The following RABGAP1 variants were observed in gnomAD, a reference collection of about 807,000 sequenced individuals.
RABGAP1 encodes RAB GTPase activating protein 1.
A neutral mutation model predicts 137.6 loss-of-function variants in RABGAP1; 23 were observed. The ratio of observed to expected loss-of-function variants is 0.17; its 90% confidence interval spans 0.12 to 0.24. The LOEUF (loss-of-function observed/expected upper bound fraction) is 0.24. RABGAP1 is among the 10% of genes least tolerant of loss of function. RABGAP1 has a pLI of 1.00. For synonymous variants in RABGAP1, 451 were observed against 450.7 expected (o/e 1.00, Z -0.01); for missense variants, 906 against 1,275.8 (o/e 0.71, Z 4.42).
intron 2 of RABGAP1, among the ~76,000 whole-genome samples, chr9:122,958,641 T>C (rs1268732945): frequency 6.6e-6 from 1 of 152,066 alleles, no homozygotes; most frequent in Non-Finnish European, 1.5e-5. Flanking sequence ...TGTATACATA[T>C]GTAACAAACC....
chr9:122,990,192 A>T lies in RABGAP1; in HGVS notation c.902A>T (p.Asp301Val). Residue 301 changes from aspartate (D) to valine (V), a missense_variant, in exon 6 of 26, where the codon GAT becomes GTT. By Grantham distance (152) the Asp-to-Val change is radical. This residue lies in a region of RABGAP1 where 331 missense variants were observed against 358.3 expected (regional missense o/e 0.92). Transcript: ENST00000373647. Reference protein sequence around the residue: ...TFSVSLEIKEDDGKGYFSAVP... With the variant: ...TFSVSLEIKEVDGKGYFSAVP... ...TCTGTGTCTTTAGAAATAAAAGAAG[A>T]TGATGGTAAAGGTTATTTTAGGTAG... 1 of 1,609,188 alleles carries T rather than the reference A, an allele frequency of 6.2e-7. No homozygotes were observed. The highest frequency in any genetic ancestry group is 8.5e-7 in the Non-Finnish European group (1 of 1,176,182).
intron 13 of RABGAP1, chr9:123,035,578 G>C (rs776454985): frequency 3.1e-6 from 5 of 1,603,994 alleles, no homozygotes; most frequent in Non-Finnish European, 3.4e-6. Context: ...CCCTTACACA[G>C]TTAGAAGCAA....
intron 13 of RABGAP1, chr9:123,061,942 T>C (rs903523008): frequency 6.6e-6 from 1 of 152,230 alleles, no homozygotes; most frequent in Non-Finnish European, 1.5e-5. Context: ...GCAGGCTCTC[T>C]ACATCAGTTA....
chr9:123,076,672 T>C lies in RABGAP1; in HGVS notation c.2334T>C (p.Gly778=), dbSNP rs759341199. Residue 778 remains glycine, a synonymous_variant, in exon 19 of 26, where the codon GGT becomes GGC. Transcript: ENST00000373647. ...ACCTGCTGTTGACAGACTTTGAAGG[T>C]GCCTTGAAGTTCTTTAGGGTTCAGC... The part of the protein sequence containing the change: ...KDDLLLTDFE[G]ALKFFRVQLP... The C allele has an allele frequency of 4.4e-6, 7 of 1,607,318 alleles. 1 individual carries two copies. Among genetic ancestry groups the C allele is most frequent in the Non-Finnish European group, 5.9e-6 (7 of 1,177,026 alleles).
At chr9:123,014,154 G>C (rs575533618) in intron 11 of RABGAP1, among the ~76,000 whole-genome samples, 17 of 152,184 alleles carry the variant, frequency 1.1e-4, no homozygotes, top group Non-Finnish European at 2.5e-4. Context: ...TGAGTGTCAA[G>C]CAAGAGGATT....
chr9:123,088,629 A>G (rs2034942960), intron 19 of RABGAP1, among the ~76,000 whole-genome samples: 1 of 152,068 alleles, frequency 6.6e-6, no homozygotes. Flanking sequence ...TCAAGGCTGC[A>G]GTGAGCTGAG....
At position 122,942,017 on chromosome 9, in the gene RABGAP1, G is replaced by T. The variant is rs565978944; in HGVS notation, c.-50+924G>T. 4.6e-5 allele frequency among the ~76,000 whole-genome samples: 7 copies of T among 152,252 alleles called. No individual in the cohort carries two copies. The East Asian group carries it at 1.4e-3, about 29-fold the overall frequency. ...TTGAATTTGAGGTCTTTTGACTTTC[G>T]TTGGCTTTTTGTCAGGGAAAAAAAC... On this transcript the variant is annotated intron_variant, in intron 1 of 25. Coordinates refer to ENST00000373647, the MANE Select transcript of RABGAP1 (RefSeq NM_012197.4).
chr9:123,088,445 A>G (rs1588401355), intron 19 of RABGAP1, among the ~76,000 whole-genome samples: 2 of 152,280 alleles, frequency 1.3e-5, no homozygotes, highest in South Asian at 2.1e-4. Context: ...AACAATGCCA[A>G]TGCCATAGGG....
chr9:123,073,423 T>C, intron 15 of RABGAP1, 129 bp from the exon 16 acceptor site: 1 of 1,167,546 alleles, frequency 8.6e-7, no homozygotes, highest in South Asian at 1.5e-5. Flanking sequence ...CCTGAGTTTC[T>C]GCATAGCACT....
chr9:123,038,032 A>G (rs1260187921), intron 13 of RABGAP1, among the ~76,000 whole-genome samples: 1 of 152,180 alleles, frequency 6.6e-6, no homozygotes, highest in Non-Finnish European at 1.5e-5. Flanking sequence ...ATTTCATAGT[A>G]AATTTTAAAG....
intron 2 of RABGAP1, among the ~76,000 whole-genome samples, chr9:122,960,780 C>T (rs1203925241): frequency 3.3e-5 from 5 of 151,890 alleles, no homozygotes; most frequent in South Asian, 4.2e-4. Flanking sequence ...GAAATGAAGG[C>T]GTGATGATAG....
intron 11 of RABGAP1, among the ~76,000 whole-genome samples, chr9:123,011,192 A>T (rs1303747784): frequency 6.6e-6 from 1 of 152,306 alleles, no homozygotes; most frequent in Admixed American, 6.5e-5. Flanking sequence ...ACAATATAAG[A>T]TCATGTGAGC....
At chr9:123,079,486 C>G (rs555060974) in intron 19 of RABGAP1, among the ~76,000 whole-genome samples, 81 of 151,904 alleles carry the variant, frequency 5.3e-4, no homozygotes, top group Non-Finnish European at 9.4e-4. Context: ...TGGTCCACCC[C>G]CCTCAGCCTC....
chr9:123,094,840 G>A (rs138742978), intron 21 of RABGAP1, among the ~76,000 whole-genome samples: 2 of 151,910 alleles, frequency 1.3e-5, no homozygotes, highest in East Asian at 1.9e-4. Flanking sequence ...CTAATTTTTC[G>A]TGTGTCTGTT....
At position 123,070,944 on chromosome 9, in the gene RABGAP1, T is replaced by C. The variant is rs2034334971; in HGVS notation, c.1983+520T>C. On this transcript the variant is annotated intron_variant, in intron 15 of 25. Transcript: ENST00000373647. The surrounding 1 kb of genome is among the most constrained non-coding windows in gnomAD (Gnocchi z 4.4). Reference sequence around the variant, plus strand: ...ACCAATTAATATTTTCCACACTGCTTTTTCTGTTTGTCTCCCTCTGCATCT... The same window carrying C: ...ACCAATTAATATTTTCCACACTGCTCTTTCTGTTTGTCTCCCTCTGCATCT... Among the ~76,000 whole-genome samples the C allele has an allele frequency of 6.6e-6, 1 of 152,236 alleles. No individual in the cohort carries two copies. The highest frequency in any genetic ancestry group is 1.5e-5 in the Non-Finnish European group (1 of 68,044).
At position 123,020,441 on chromosome 9, in the gene RABGAP1, C is replaced by T. The variant is rs1470992697; in HGVS notation, c.1776C>T (p.Tyr592=). 1.9e-6 allele frequency: 3 copies of T among 1,596,800 alleles called. No individual in the cohort carries two copies. Among genetic ancestry groups the T allele is most frequent in the Admixed American group, 1.7e-5 (1 of 58,276 alleles). Residue 592 remains tyrosine, a synonymous_variant, in exon 13 of 26, where the codon TAC becomes TAT. Coordinates refer to ENST00000373647, the MANE Select transcript of RABGAP1 (RefSeq NM_012197.4). ...CHNNDHLVEK[Y]RILITKESPQ... ...ACAATGACCACCTGGTAGAGAAATACCGCATTCTTATCACAAAGGTAAGGG... is the reference window on the plus strand; with the variant it reads ...ACAATGACCACCTGGTAGAGAAATATCGCATTCTTATCACAAAGGTAAGGG...
chr9:123,015,289 CT>C (rs34492374), intron 11 of RABGAP1, among the ~76,000 whole-genome samples: 16,942 of 121,406 alleles, frequency 0.14, 533 homozygotes, highest in Middle Eastern at 0.16. Flanking sequence ...TAAATAGCTC[CT>C]TTTTTTTTTT....
intron 13 of RABGAP1, chr9:123,034,843 C>G: frequency 1.2e-6 from 2 of 1,614,064 alleles, no homozygotes; most frequent in Non-Finnish European, 1.7e-6. Flanking sequence ...CCTCCATCAC[C>G]CCCTTCCAGT....
At chr9:122,997,900 C>T (rs967963873) in intron 9 of RABGAP1, among the ~76,000 whole-genome samples, 5 of 152,076 alleles carry the variant, frequency 3.3e-5, no homozygotes, top group Admixed American at 3.3e-4. Flanking sequence ...TTTTTCCCCC[C>T]TTCAGTTTTT....
Sources: gnomAD v4.1 joint callset for allele counts (sites outside exome capture counted in the v4.1 genomes callset) on GRCh38, gnomAD v4.1.1 for gene constraint, gnomAD v4.1.1 regional missense constraint, Gnocchi (gnomAD v3.1) non-coding constraint, MANE v1.5 for transcripts, NCBI Gene and HGNC (gene_info 2026-07-23, HGNC 2026-07-21) for gene names.